Variants in KCNK10 observed in about 807,000 individuals in gnomAD.
KCNK10 encodes potassium two pore domain channel subfamily K member 10.
In KCNK10, 25 loss-of-function variants were observed where a neutral mutation model predicts 47.7. The ratio of observed to expected loss-of-function variants is 0.52; its 90% CI spans 0.38 to 0.73. KCNK10 has a LOEUF of 0.73. Ranked by LOEUF, KCNK10 falls within the 30% of genes least tolerant of loss-of-function variation. The pLI is 0.00. For missense variants in KCNK10, 563 were observed against 714.5 expected (o/e 0.79, Z 2.42); for synonymous variants, 303 against 285.6 (o/e 1.06, Z -0.61).
chr14:88,233,930 C>A (rs570010469), intron 3 of KCNK10, among the ~76,000 whole-genome samples: 2 of 152,124 alleles, frequency 1.3e-5, no homozygotes, highest in African/African-American at 4.8e-5. Flanking sequence ...AATCCAATAC[C>A]GGGTATCAGA....
rs1385852359 is a variant in KCNK10 at position 88,184,651 on chromosome 14, T to C, written c.*884A>G. 1 of 152,354 alleles carries C rather than the reference T, an allele frequency of 6.6e-6. No individual in the cohort carries two copies. Among genetic ancestry groups the C allele is most frequent in the Non-Finnish European group, 1.5e-5 (1 of 68,044 alleles). 9.4% of individuals were successfully genotyped at this position (152,354 alleles called of 1,614,324 possible). On this transcript the variant is annotated 3_prime_UTR_variant, in exon 7 of 7. Coordinates refer to ENST00000319231, the MANE Select transcript of KCNK10 (RefSeq NM_138317.3). ...CATGCAAGGCAATTGTTTTGGTATT[T>C]CTACCCCTCTTATCAAAACAAGTTA...
chr14:88,228,932 A>G (rs1314310454), intron 3 of KCNK10, among the ~76,000 whole-genome samples: 1 of 152,196 alleles, frequency 6.6e-6, no homozygotes, highest in African/African-American at 2.4e-5. Flanking sequence ...AACTTGGACA[A>G]AATCATTTTT....
rs751205780 is a variant in KCNK10 at position 88,185,776 on chromosome 14, T to C, written c.1391A>G (p.Lys464Arg). Residue 464 changes from lysine (K) to arginine (R), a missense_variant, in exon 7 of 7, where the codon AAG (lysine) becomes AGG (arginine). By Grantham distance (26) the Lys-to-Arg change is conservative. Coordinates refer to ENST00000319231, the MANE Select transcript of KCNK10 (RefSeq NM_138317.3). The surrounding 1 kb of genome is among the most constrained non-coding windows in gnomAD (Gnocchi z 4.3). ...CTCGGGCAAGGTCTTTTTGAGGTCC[T>C]TGTTTTTCCTCTTGGTGAGTCTGGA... is the stretch of plus-strand genomic sequence containing the variant. ...STSRLTKRKN[K>R]DLKKTLPEDV... The C allele has an allele frequency of 4.3e-6, 7 of 1,614,202 alleles. No individual in the cohort carries two copies. In the South Asian group the frequency reaches 7.7e-5, roughly 18 times the overall value.
intron 4 of KCNK10, among the ~76,000 whole-genome samples, chr14:88,212,313 G>T (rs1475517202): frequency 1.3e-5 from 2 of 151,866 alleles, no homozygotes; most frequent in Non-Finnish European, 2.9e-5. Flanking sequence ...GGTGACACAT[G>T]CCTGTAGTCC....
At position 88,323,088 on chromosome 14, in the gene KCNK10, G is replaced by T; in HGVS notation, c.-290C>A. On this transcript the variant is annotated 5_prime_UTR_variant, in exon 1 of 7. Transcript: ENST00000319231. The stretch of plus-strand genomic sequence containing the variant: ...GGGTGGATGAAAGGATGGAGAGGAA[G>T]GCTTGGGGAGATGGAAGAGCCAAGC... The T allele has an allele frequency of 8.1e-7, 1 of 1,236,836 alleles. No individual in the cohort carries two copies. The highest frequency in any genetic ancestry group is 1.8e-5 in the South Asian group (1 of 54,750). The allele number at this position is 1,236,836 out of a possible 1,614,324, so 76.6% of individuals were successfully genotyped here. A position where few individuals can be genotyped will look rare whatever the true frequency, so the allele number is the denominator to read the frequency against.
chr14:88,267,171 C>G (rs748443801), intron 1 of KCNK10, among the ~76,000 whole-genome samples: 1 of 152,154 alleles, frequency 6.6e-6, no homozygotes. Context: ...TCAGGAACAG[C>G]AAATGAGCAG....
intron 1 of KCNK10, among the ~76,000 whole-genome samples, chr14:88,265,056 C>T (rs1887216890): frequency 6.6e-6 from 1 of 152,206 alleles, no homozygotes; most frequent in African/African-American, 2.4e-5. Flanking sequence ...AGCAGCCTCC[C>T]AAGGGGCCTC....
At chr14:88,189,888 G>A (rs2139824912) in intron 5 of KCNK10, among the ~76,000 whole-genome samples, 1 of 152,314 alleles carries the variant, frequency 6.6e-6, no homozygotes, top group South Asian at 2.1e-4. Context: ...AGATTGGTCT[G>A]TGTAAGCTCG....
intron 2 of KCNK10, among the ~76,000 whole-genome samples, chr14:88,244,557 A>C (rs1296803994): frequency 6.6e-6 from 1 of 151,848 alleles, no homozygotes; most frequent in African/African-American, 2.4e-5. Flanking sequence ...AGTCCCAGCT[A>C]CTCGGGAGGC....
At chr14:88,258,842 G>A (rs75468308) in intron 2 of KCNK10, among the ~76,000 whole-genome samples, 31,873 of 152,140 alleles carry the variant, frequency 0.21, 4,436 homozygotes, top group Non-Finnish European at 0.3. Context: ...CACGATGGCT[G>A]TAAGAGCTAC....
chr14:88,224,229 T>G (rs572670978), intron 4 of KCNK10, among the ~76,000 whole-genome samples: 1 of 152,302 alleles, frequency 6.6e-6, no homozygotes, highest in Admixed American at 6.5e-5. Flanking sequence ...AGTCATATGT[T>G]ACACAGCAAT....
chr14:88,218,239 C>T (rs1010620927), intron 4 of KCNK10, among the ~76,000 whole-genome samples: 1 of 152,202 alleles, frequency 6.6e-6, no homozygotes, highest in African/African-American at 2.4e-5. Flanking sequence ...ACAGAAGCTT[C>T]CTGCCAATTG....
At chr14:88,297,395 A>C (rs1888007577) in intron 1 of KCNK10, among the ~76,000 whole-genome samples, 1 of 152,202 alleles carries the variant, frequency 6.6e-6, no homozygotes, top group Non-Finnish European at 1.5e-5. Flanking sequence ...CTTAATAGTG[A>C]GTTTGAAATT....
At position 88,192,793 on chromosome 14, in the gene KCNK10, G is replaced by A. The variant is rs118142877; in HGVS notation, c.682-383C>T. Among the ~76,000 whole-genome samples, 80 of 152,282 alleles carry A rather than the reference G, an allele frequency of 5.3e-4. 1 individual carries two copies. The East Asian group carries it at 0.015, about 28-fold the overall frequency. ...CTACCATTTGTCATGTAGTATTACT[G>A]ATCCACCATTCGTGAGAATGAGTTT... On this transcript the variant is annotated intron_variant, in intron 4 of 6. Transcript: ENST00000319231.
At chr14:88,191,179 G>A (rs1884734597) in intron 5 of KCNK10, among the ~76,000 whole-genome samples, 2 of 151,950 alleles carry the variant, frequency 1.3e-5, no homozygotes, top group African/African-American at 4.8e-5. Flanking sequence ...GAGCCCCAGA[G>A]GTCCGAGGCT....
intron 4 of KCNK10, among the ~76,000 whole-genome samples, chr14:88,210,305 C>A (rs61975834): frequency 0.16 from 24,659 of 152,204 alleles, 2,553 homozygotes; most frequent in East Asian, 0.4. Flanking sequence ...GGACACTGGT[C>A]TTGATGCATG....
At chr14:88,204,103 A>C (rs1213589402) in intron 4 of KCNK10, among the ~76,000 whole-genome samples, 1 of 152,214 alleles carries the variant, frequency 6.6e-6, no homozygotes, top group Non-Finnish European at 1.5e-5. Context: ...TACAGTGACC[A>C]TGTATACTCT....
At chr14:88,211,242 T>C (rs147084821) in intron 4 of KCNK10, among the ~76,000 whole-genome samples, 2 of 152,274 alleles carry the variant, frequency 1.3e-5, no homozygotes, top group African/African-American at 4.8e-5. Flanking sequence ...CTAAGTGAAA[T>C]AGGCCAGACA....
rs1888571519 is a variant in KCNK10, at chr14:88,322,681, C to A, written c.52+66G>T. The A allele has an allele frequency of 6.3e-7, 1 of 1,595,102 alleles. No individual in the cohort carries two copies. The highest frequency in any genetic ancestry group is 8.6e-7 in the Non-Finnish European group (1 of 1,163,076). On this transcript the variant is annotated intron_variant, in intron 1 of 6. Coordinates refer to ENST00000319231, the MANE Select transcript of KCNK10 (RefSeq NM_138317.3). This position sits in a 1 kb window ranked among gnomAD's most constrained non-coding sequence, Gnocchi z 4.8. Reference sequence around the variant, plus strand: ...TGCCAGAAGCAAGAGTGCTTCCACTCAAGGAAGCGCGCACACGCCGGAGAC... The same window carrying A: ...TGCCAGAAGCAAGAGTGCTTCCACTAAAGGAAGCGCGCACACGCCGGAGAC...
Sources: allele counts gnomAD v4.1 joint callset (sites outside exome capture counted in the v4.1 genomes callset), GRCh38; gene constraint gnomAD v4.1.1; non-coding constraint Gnocchi (gnomAD v3.1); transcripts MANE v1.5; gene names NCBI Gene and HGNC (gene_info 2026-07-23, HGNC 2026-07-21).